Variants in KLKB1 observed in about 807,000 individuals in gnomAD.
The protein encoded by KLKB1 is kallikrein B1.
Under a neutral mutation model 73.6 loss-of-function variants are expected in KLKB1, and 58 were observed. The ratio of observed to expected loss-of-function variants is 0.79; its 90% CI spans 0.64 to 0.98. KLKB1 has a LOEUF of 0.98. Ranked by LOEUF, KLKB1 falls within the 50% of genes least tolerant of loss-of-function variation. The pLI is 0.00. For missense variants in KLKB1, 737 were observed against 763.8 expected (o/e 0.96, Z 0.41); for synonymous variants, 280 against 258.1 (o/e 1.08, Z -0.81).
intron 5 of KLKB1, among the ~76,000 whole-genome samples, chr4:186,237,151 T>C (rs1426283565): frequency 6.6e-6 from 1 of 152,162 alleles, no homozygotes. Context: ...CAGGCTAGAG[T>C]GCAGTGGCGT....
intron 11 of KLKB1, among the ~76,000 whole-genome samples, chr4:186,253,382 A>G (rs1738814047): frequency 6.6e-6 from 1 of 152,184 alleles, no homozygotes; most frequent in South Asian, 2.1e-4. Flanking sequence ...TGGGTGGAGC[A>G]AGACCCCTCC....
At chr4:186,213,150 A>C (rs889261647) in intron 2 of KLKB1, 1 of 152,180 alleles carries the variant, frequency 6.6e-6, no homozygotes, top group African/African-American at 2.4e-5. Flanking sequence ...CTCCAGAATT[A>C]TTGTTACTCA....
Position 186,257,382 on chromosome 4 carries a change from T to A in KLKB1, c.1725+17T>A, listed in dbSNP as rs1739059466. 1 of 1,572,768 alleles carries A rather than the reference T, an allele frequency of 6.4e-7. No individual in the cohort carries two copies. The highest frequency in any genetic ancestry group is 1.4e-5 in the African/African-American group (1 of 74,016). On this transcript the variant is annotated intron_variant, in intron 14 of 14. Transcript: ENST00000264690. ...GCTTGTAAGGTAACTCATGAGATTA[T>A]GAAAAACACAATAGGCTGCTTGAGA...
chr4:186,246,092 G>C (rs979386472), intron 6 of KLKB1, among the ~76,000 whole-genome samples: 4 of 151,972 alleles, frequency 2.6e-5, no homozygotes, highest in East Asian at 3.9e-4. Flanking sequence ...TTGGGCAGGT[G>C]GGGGAGGGCT....
Position 186,258,306 on chromosome 4 carries a change from ATCT to A in KLKB1, c.*99_*101del, listed in dbSNP as rs1483087991. The A allele has an allele frequency of 1.9e-6, 2 of 1,057,574 alleles. No homozygotes were observed. The highest frequency in any genetic ancestry group is 1.6e-5 in the African/African-American group (1 of 63,506). 65.5% of individuals were successfully genotyped at this position (1,057,574 alleles called of 1,614,324 possible). On this transcript the variant is annotated 3_prime_UTR_variant, in exon 15 of 15. Transcript: ENST00000264690. ...TCATCTGCAAAGCATGGAGAGTGGC[ATCT>A]TCTTTGCATCCTAAGGACGAAAAAC...
chr4:186,236,790 G>C lies in KLKB1; in HGVS notation c.338G>C (p.Arg113Pro), dbSNP rs202142549. 9.9e-6 allele frequency: 16 copies of C among 1,613,780 alleles called. No individual in the cohort carries two copies. Among genetic ancestry groups the C allele is most frequent in the Non-Finnish European group, 1.4e-5 (16 of 1,179,940 alleles). The change falls in exon 5 of 15, where the codon CGA becomes CCA. Residue 113 changes from arginine (R) to proline (P), a missense_variant. Coordinates refer to ENST00000264690, the MANE Select transcript of KLKB1 (RefSeq NM_000892.5). ...TATTTTTCTTGTACAGCTTGCCATC[G>C]AGACATTTATAAAGGAGTTGATATG... ...QCGHQISACH[R>P]DIYKGVDMRG...
At chr4:186,211,839 T>G (rs945288618) in intron 2 of KLKB1, 1 of 152,212 alleles carries the variant, frequency 6.6e-6, no homozygotes. Flanking sequence ...CAGATTATTT[T>G]AAGTTGATTA....
intron 2 of KLKB1, among the ~76,000 whole-genome samples, chr4:186,216,318 G>A (rs1052388118): frequency 6.6e-6 from 1 of 152,198 alleles, no homozygotes; most frequent in African/African-American, 2.4e-5. Flanking sequence ...AAGACAGCAA[G>A]CAAGCCCCAG....
chr4:186,217,286 G>T (rs571319429), intron 2 of KLKB1, among the ~76,000 whole-genome samples: 97 of 147,932 alleles, frequency 6.6e-4, no homozygotes, highest in African/African-American at 2.3e-3. Flanking sequence ...TGTCCCAGTT[G>T]TTTTGTTGTT....
chr4:186,220,049 G>A (rs1736999077), intron 2 of KLKB1, among the ~76,000 whole-genome samples: 1 of 151,994 alleles, frequency 6.6e-6, no homozygotes. Flanking sequence ...TGGAATCCTT[G>A]TTGTGTCTTC....
In KLKB1 at chr4:186,251,534, G is replaced by T; in HGVS notation, c.916G>T (p.Glu306Ter). 2 of 1,614,062 alleles carry T rather than the reference G, an allele frequency of 1.2e-6. No individual in the cohort carries two copies. The highest frequency in any genetic ancestry group is 1.7e-6 in the Non-Finnish European group (2 of 1,179,942). Reference sequence around the variant, plus strand: ...CCCGGGAGTTGACTTTGGAGGAGAAGAATTGAATGTGACTTTTGTTAAAGG... The same window carrying T: ...CCCGGGAGTTGACTTTGGAGGAGAATAATTGAATGTGACTTTTGTTAAAGG... ...IYPGVDFGGEELNVTFVKGVN... is the reference protein window; with the variant it reads ...IYPGVDFGGE The change falls in exon 9 of 15, where the codon GAA becomes TAA. Residue 306 changes from glutamate (E) to a stop codon, truncating the protein, a stop_gained. Coordinates refer to ENST00000264690, the MANE Select transcript of KLKB1 (RefSeq NM_000892.5). LOFTEE classifies it high-confidence loss of function.
rs1250283783 is a variant in KLKB1, at chr4:186,237,083, AT to A, written c.488+150del. 7.2e-6 allele frequency: 5 copies of A among 696,190 alleles called. No individual in the cohort carries two copies. In the East Asian group the frequency reaches 8.6e-5, roughly 12 times the overall value. 43.1% of individuals were successfully genotyped at this position (696,190 alleles called of 1,614,324 possible). On this transcript the variant is annotated intron_variant, in intron 5 of 14. Coordinates refer to ENST00000264690, the MANE Select transcript of KLKB1 (RefSeq NM_000892.5). ...TTTCCTCATTTACTTACTCTATTTTATTTTTTTATCTTTTATTTATTTATTT... is the reference window on the plus strand; with the variant it reads ...TTTCCTCATTTACTTACTCTATTTTATTTTTTATCTTTTATTTATTTATTT...
rs1737712313 is a variant in KLKB1 at position 186,236,772 on chromosome 4, C to G, written c.329-9C>G. The G allele has an allele frequency of 6.2e-7, 1 of 1,613,472 alleles. No homozygotes were observed. The highest frequency in any genetic ancestry group is 1.3e-5 in the African/African-American group (1 of 74,894). On this transcript the variant is annotated splice_polypyrimidine_tract_variant and intron_variant, in intron 4 of 14. Coordinates refer to ENST00000264690, the MANE Select transcript of KLKB1 (RefSeq NM_000892.5). ...GACTGTATTTGCTCTATGTATTTTT[C>G]TTGTACAGCTTGCCATCGAGACATT...
At chr4:186,226,050 G>C (rs569137210), upstream of KLKB1, among the ~76,000 whole-genome samples, 5 of 151,536 alleles carry the variant, frequency 3.3e-5, no homozygotes, top group Non-Finnish European at 5.9e-5. Flanking sequence ...TGCTGAAGCT[G>C]TTTGTGAATT....
chr4:186,234,189 T>A (rs544779355), intron 4 of KLKB1, 131 bp downstream of exon 4: 2 of 723,876 alleles, frequency 2.8e-6, no homozygotes, highest in East Asian at 5.3e-5. Flanking sequence ...GGGGCAGTAT[T>A]CTGGACACAA....
chr4:186,230,578 G>C (rs952250430), intron 2 of KLKB1, among the ~76,000 whole-genome samples: 3 of 152,114 alleles, frequency 2.0e-5, no homozygotes, highest in Non-Finnish European at 2.9e-5. Flanking sequence ...CATTGTCATG[G>C]TCATCATTAT....
At chr4:186,251,684 A>G (rs779801101) in intron 9 of KLKB1, 35 bp downstream of exon 9, 42 of 1,609,442 alleles carry the variant, frequency 2.6e-5, no homozygotes, top group East Asian at 2.2e-5. Flanking sequence ...GACAGTTGAC[A>G]TGACCATTTC....
At chr4:186,256,446 C>T (rs996351458) in intron 13 of KLKB1, among the ~76,000 whole-genome samples, 2 of 152,110 alleles carry the variant, frequency 1.3e-5, no homozygotes, top group Non-Finnish European at 2.9e-5. Context: ...TGCTAATGGC[C>T]GGGAGCACAG....
At chr4:186,223,782 C>T (rs981062213), upstream of KLKB1, among the ~76,000 whole-genome samples, 1 of 152,178 alleles carries the variant, frequency 6.6e-6, no homozygotes, top group Non-Finnish European at 1.5e-5. Context: ...AACCAATTTT[C>T]TGAGGAGGAA....
Sources: allele counts gnomAD v4.1 joint callset (sites outside exome capture counted in the v4.1 genomes callset), GRCh38; gene constraint gnomAD v4.1.1; transcripts MANE v1.5; gene names NCBI Gene and HGNC (gene_info 2026-07-23, HGNC 2026-07-21).